NDUFAF7: variants seen among roughly 807,000 people sequenced by gnomAD.
The protein encoded by NDUFAF7 is protein arginine methyltransferase NDUFAF7, mitochondrial.
A neutral mutation model predicts 47.2 loss-of-function variants in NDUFAF7; 48 were observed. The observed-to-expected ratio is 1.02, with a 90% CI of 0.81 to 1.29. The LOEUF (loss-of-function observed/expected upper bound fraction) is 1.29. Among genes scored for constraint, NDUFAF7 ranks in the 50% most tolerant of loss-of-function variants. The pLI is 0.00. For missense variants in NDUFAF7, 635 were observed against 537.6 expected (o/e 1.18, Z -1.79); for synonymous variants, 217 against 190.0 (o/e 1.14, Z -1.17).
At chr2:37,237,915 T>TGTGCA in intron 4 of NDUFAF7, 48 bp downstream of exon 4, 1 of 1,290,446 alleles carries the variant, frequency 7.7e-7, no homozygotes, top group Non-Finnish European at 1.1e-6. Flanking sequence ...TGAATTTTAG[T>TGTGCA]ACTTCTGAGT....
downstream of NDUFAF7, chr2:37,251,033 T>C (rs1347725979): frequency 1.3e-5 from 2 of 152,526 alleles, no homozygotes; most frequent in East Asian, 1.9e-4. Flanking sequence ...TATGTAAGTA[T>C]AGCAAACAAA....
intron 8 of NDUFAF7, 178 bp from the exon 9 acceptor site, chr2:37,247,278 T>C (rs1480670425): frequency 1.5e-6 from 1 of 687,136 alleles, no homozygotes; most frequent in African/African-American, 1.8e-5. Context: ...TTCTGATGCA[T>C]GGTTGATGCA....
intron 9 of NDUFAF7, 106 bp downstream of exon 9, chr2:37,247,735 C>G: frequency 1.5e-6 from 2 of 1,304,328 alleles, no homozygotes; most frequent in Admixed American, 1.8e-5. Context: ...GTTAGCCAAT[C>G]CTTGGTATTC....
chr2:37,244,101 T>G, intron 7 of NDUFAF7, 128 bp downstream of exon 7: 2 of 787,156 alleles, frequency 2.5e-6, no homozygotes, highest in Non-Finnish European at 4.2e-6. Context: ...ACGAGGTGCT[T>G]TTTATTGACA....
the NDUFAF7 span, among the ~76,000 whole-genome samples, chr2:37,271,038 A>G: frequency 2.0e-5 from 3 of 152,222 alleles, no homozygotes; most frequent in Admixed American, 6.5e-5. Context: ...AGACTCATAG[A>G]TTATATCTCT....
the NDUFAF7 span, among the ~76,000 whole-genome samples, chr2:37,266,805 G>A: frequency 1.3e-5 from 2 of 151,972 alleles, no homozygotes; most frequent in East Asian, 1.9e-4. Context: ...GCTATTATAC[G>A]ACCATGATTT....
chr2:37,252,982 C>T (rs1667634348), downstream of NDUFAF7: 2 of 452,902 alleles, frequency 4.4e-6, no homozygotes, highest in Non-Finnish European at 7.3e-6. Context: ...CACCTTGATT[C>T]CATTATGACT....
chr2:37,271,023 A>G, the NDUFAF7 span, among the ~76,000 whole-genome samples: 1 of 152,204 alleles, frequency 6.6e-6, no homozygotes, highest in African/African-American at 2.4e-5. Context: ...TCTCAACAGG[A>G]CAAGAGACTC....
At chr2:37,246,259 A>G (rs957734168) in intron 8 of NDUFAF7, 64 bp downstream of exon 8, 4 of 1,570,616 alleles carry the variant, frequency 2.5e-6, no homozygotes. Context: ...CCCATTGAAG[A>G]GCTTTGATTT....
intron 5 of NDUFAF7, 82 bp downstream of exon 5, chr2:37,241,873 A>G (rs889357891): frequency 8.1e-7 from 1 of 1,232,480 alleles, no homozygotes; most frequent in South Asian, 1.3e-5. Context: ...TTTTACAGCA[A>G]TATAATAGAT....
the NDUFAF7 span, chr2:37,267,846 G>A: frequency 3.7e-6 from 1 of 268,732 alleles, no homozygotes; most frequent in South Asian, 5.0e-5. Context: ...GTCCTTCAGA[G>A]ACTCTGTCAA....
chr2:37,261,688 G>A, the NDUFAF7 span, among the ~76,000 whole-genome samples: 1 of 152,324 alleles, frequency 6.6e-6, no homozygotes, highest in African/African-American at 2.4e-5. Context: ...GCTGAGGCAG[G>A]AGAATTGCTT....
downstream of NDUFAF7, chr2:37,254,110 T>C (rs530537376): frequency 2.3e-6 from 2 of 886,286 alleles, no homozygotes; most frequent in African/African-American, 1.7e-5. Context: ...ACTTTTATTA[T>C]TCTGCTGATC....
chr2:37,240,634 ATATTT>A (rs1401974236), intron 4 of NDUFAF7, among the ~76,000 whole-genome samples: 1 of 152,190 alleles, frequency 6.6e-6, no homozygotes, highest in Non-Finnish European at 1.5e-5. Flanking sequence ...TGAATATAAA[ATATTT>A]AATAAGGACC....
Position 37,248,143 on chromosome 2 carries a change from A to AAT in NDUFAF7, c.1119_1120insAT (p.Asp374MetfsTer9). On this transcript the variant is annotated frameshift_variant, in exon 10 of 10. Coordinates refer to ENST00000002125, the MANE Select transcript of NDUFAF7 (RefSeq NM_144736.5). LOFTEE classifies it high-confidence loss of function. Reference sequence around the variant, plus strand: ...AATTTTTTTCTTTTCAGGTTCTTTTAGATAAATCAAATGAGCCATCAGTGA... The same window carrying AAT: ...AATTTTTTTCTTTTCAGGTTCTTTTAATGATAAATCAAATGAGCCATCAGTGA... 1 of 1,613,078 alleles carries AAT rather than the reference A, an allele frequency of 6.2e-7. No homozygotes were observed. Among genetic ancestry groups the AAT allele is most frequent in the Non-Finnish European group, 8.5e-7 (1 of 1,179,178 alleles).
the NDUFAF7 span, chr2:37,267,440 G>T: frequency 6.3e-7 from 1 of 1,587,144 alleles, no homozygotes; most frequent in Non-Finnish European, 8.6e-7. Flanking sequence ...CTGTAAAATA[G>T]CCACTTCATT....
rs1026194415 is a variant in NDUFAF7, at chr2:37,248,534, A to C, written c.*184A>C. ...TAGGGTTGTGACTGGCTTTGGTGCA[A>C]ATGTGTGCTCAAGCTAATAAGTTAT... On this transcript the variant is annotated 3_prime_UTR_variant, in exon 10 of 10. Transcript: ENST00000002125. 9.2e-6 allele frequency: 6 copies of C among 649,222 alleles called. No homozygotes were observed. Among genetic ancestry groups the C allele is most frequent in the South Asian group, 1.7e-5 (1 of 57,770 alleles). The allele number at this position is 649,222 out of a possible 1,614,324, so 40.2% of individuals were successfully genotyped here. A position where few individuals can be genotyped will look rare whatever the true frequency, so the allele number is the denominator to read the frequency against.
chr2:37,234,562 C>T (rs1016791063), intron 2 of NDUFAF7, among the ~76,000 whole-genome samples: 1 of 148,796 alleles, frequency 6.7e-6, no homozygotes, highest in African/African-American at 2.5e-5. Context: ...CACAAAAAAG[C>T]GTAAATACCC....
chr2:37,262,459 G>A, the NDUFAF7 span, among the ~76,000 whole-genome samples: 1 of 152,142 alleles, frequency 6.6e-6, no homozygotes, highest in African/African-American at 2.4e-5. Context: ...AAATAGACTT[G>A]TTTGCTAATC....
Sources: gnomAD v4.1 joint callset for allele counts (sites outside exome capture counted in the v4.1 genomes callset) on GRCh38, gnomAD v4.1.1 for gene constraint, MANE v1.5 for transcripts, NCBI Gene and HGNC (gene_info 2026-07-23, HGNC 2026-07-21) for gene names.